The following CDIN1 variants were observed in gnomAD, a reference collection of about 807,000 sequenced individuals.
CDIN1 encodes the protein CDAN1-interacting nuclease 1.
Under a neutral mutation model 45.3 loss-of-function variants are expected in CDIN1, and 33 were observed. The observed-to-expected ratio is 0.73, with a 90% CI of 0.55 to 0.97. The LOEUF (loss-of-function observed/expected upper bound fraction) is 0.97. Among genes scored for constraint, CDIN1 ranks in the 50% least tolerant of loss-of-function variants. CDIN1 has a pLI of 0.00. For synonymous variants in CDIN1, 118 were observed against 124.4 expected (o/e 0.95, Z 0.34); for missense variants, 303 against 339.4 (o/e 0.89, Z 0.84).
chr15:36,723,038 T>C (rs1490464485), intron 10 of CDIN1, among the ~76,000 whole-genome samples: 1 of 151,980 alleles, frequency 6.6e-6, no homozygotes, highest in Non-Finnish European at 1.5e-5. Context: ...GTGTGAATTC[T>C]ATTCTCTTAA....
At chr15:36,799,027 C>A (rs2054916782) in intron 10 of CDIN1, 1 of 152,226 alleles carries the variant, frequency 6.6e-6, no homozygotes, top group South Asian at 2.1e-4. Flanking sequence ...TCTCTGGCAT[C>A]AAACACTAAA....
chr15:36,709,909 GA>G lies in CDIN1; in HGVS notation c.666del (p.Glu222AspfsTer23). 1.2e-6 allele frequency: 2 copies of G among 1,613,394 alleles called. No individual in the cohort carries two copies. Among genetic ancestry groups the G allele is most frequent in the Non-Finnish European group, 1.7e-6 (2 of 1,179,482 alleles). On this transcript the variant is annotated frameshift_variant, in exon 10 of 11. Coordinates refer to ENST00000566621, the MANE Select transcript of CDIN1 (RefSeq NM_001321759.2). LOFTEE classifies it high-confidence loss of function. ...TGAAAGCAAAGCCTCATTTGGTGATGAATGTAGCCACCACGCCTACCTGCAT... is the reference window on the plus strand; with the variant it reads ...TGAAAGCAAAGCCTCATTTGGTGATGATGTAGCCACCACGCCTACCTGCAT... ...WIESKASFGDECSHHAYLHDQ... is the reference protein window; with the variant it reads ...WIESKASFGDXCSHHAYLHDQ...
intron 1 of CDIN1, among the ~76,000 whole-genome samples, chr15:36,586,175 T>G (rs532776880): frequency 6.7e-6 from 1 of 149,116 alleles, no homozygotes; most frequent in Non-Finnish European, 1.5e-5. Context: ...GTTTGCTTGG[T>G]GTGGGTTTAC....
chr15:36,795,706 T>G (rs2054777408), intron 10 of CDIN1, among the ~76,000 whole-genome samples: 1 of 151,680 alleles, frequency 6.6e-6, no homozygotes. Flanking sequence ...TTTTTATTAT[T>G]ATTTATTATT....
Position 36,809,640 on chromosome 15 carries a change from C to T in CDIN1, c.*1187C>T, listed in dbSNP as rs2055337188. 6.6e-6 allele frequency: 1 copy of T among 151,974 alleles called. No homozygotes were observed. Among genetic ancestry groups the T allele is most frequent in the Non-Finnish European group, 1.5e-5 (1 of 68,010 alleles). 9.4% of individuals were successfully genotyped at this position (151,974 alleles called of 1,614,324 possible). A position where few individuals can be genotyped will look rare whatever the true frequency, so the allele number is the denominator to read the frequency against. On this transcript the variant is annotated 3_prime_UTR_variant, in exon 11 of 11. Transcript: ENST00000566621. ...AAACGTATTTAGTAAAATATTTGCC[C>T]CCGCCACCCTGCCATGCTGACATAA...
At chr15:36,722,303 A>ATCTCTCTC (rs5811928) in intron 10 of CDIN1, among the ~76,000 whole-genome samples, 12,957 of 140,460 alleles carry the variant, frequency 0.092, 805 homozygotes, top group Admixed American at 0.19. Flanking sequence ...TTCTTTTGAG[A>ATCTCTCTC]TCTCTCTCTC....
intron 1 of CDIN1, among the ~76,000 whole-genome samples, chr15:36,596,387 A>T (rs920312907): frequency 1.3e-5 from 2 of 152,208 alleles, no homozygotes; most frequent in Admixed American, 1.3e-4. Flanking sequence ...ATTTTAAATT[A>T]CTTTGTGTTT....
At chr15:36,709,603 A>G (rs941507061) in intron 9 of CDIN1, among the ~76,000 whole-genome samples, 4 of 152,172 alleles carry the variant, frequency 2.6e-5, no homozygotes, top group African/African-American at 9.6e-5. Flanking sequence ...GCACTTGTCG[A>G]GTTATACAGG....
chr15:36,761,757 G>A (rs1377779268), intron 10 of CDIN1, among the ~76,000 whole-genome samples: 1 of 152,092 alleles, frequency 6.6e-6, no homozygotes, highest in Non-Finnish European at 1.5e-5. Context: ...TCTTGCTCCA[G>A]GAAAAAGTCT....
intron 1 of CDIN1, among the ~76,000 whole-genome samples, chr15:36,622,502 C>A (rs1399496586): frequency 6.6e-6 from 1 of 152,174 alleles, no homozygotes; most frequent in Non-Finnish European, 1.5e-5. Context: ...TGGTTCCTGG[C>A]ATGAGCAAAT....
chr15:36,787,938 T>A (rs888553124), intron 10 of CDIN1, among the ~76,000 whole-genome samples: 1 of 150,518 alleles, frequency 6.6e-6, no homozygotes, highest in African/African-American at 2.4e-5. Context: ...ATACTTTAAA[T>A]GATGTTATTC....
intron 1 of CDIN1, among the ~76,000 whole-genome samples, chr15:36,620,242 C>T (rs1308246404): frequency 2.0e-5 from 3 of 151,852 alleles, no homozygotes; most frequent in Non-Finnish European, 4.4e-5. Context: ...GCCCAGCTAC[C>T]CGGGAGGCTG....
At chr15:36,713,267 C>T (rs188372864) in intron 10 of CDIN1, among the ~76,000 whole-genome samples, 16 of 152,252 alleles carry the variant, frequency 1.1e-4, no homozygotes, top group Admixed American at 1.0e-3. Context: ...TGACCAACAA[C>T]CACTGATCAA....
intron 10 of CDIN1, among the ~76,000 whole-genome samples, chr15:36,737,818 G>A (rs931462036): frequency 5.9e-5 from 9 of 152,108 alleles, no homozygotes; most frequent in Admixed American, 5.9e-4. Context: ...GGTGTGGGAG[G>A]TACATAGGGT....
At chr15:36,614,192 G>T in intron 1 of CDIN1, 1 of 665,644 alleles carries the variant, frequency 1.5e-6, no homozygotes, top group Non-Finnish European at 2.8e-6. Flanking sequence ...TGACCTGAAT[G>T]AGCTGTAGAA....
At chr15:36,635,035 T>C (rs570629288) in intron 1 of CDIN1, among the ~76,000 whole-genome samples, 1 of 152,324 alleles carries the variant, frequency 6.6e-6, no homozygotes, top group South Asian at 2.1e-4. Flanking sequence ...TTTATAGGGC[T>C]AGAGGACAAA....
intron 1 of CDIN1, among the ~76,000 whole-genome samples, chr15:36,636,688 T>C (rs149143707): frequency 1.6e-3 from 242 of 152,356 alleles, no homozygotes; most frequent in South Asian, 0.01. Context: ...CAGTGTCTTT[T>C]GAGATTTAAG....
chr15:36,775,389 C>T (rs905204608), intron 10 of CDIN1, among the ~76,000 whole-genome samples: 3 of 152,206 alleles, frequency 2.0e-5, no homozygotes, highest in Non-Finnish European at 4.4e-5. Context: ...ATGAGTTCCC[C>T]GGCTGTTAAC....
At chr15:36,713,730 C>A in intron 10 of CDIN1, among the ~76,000 whole-genome samples, 1 of 152,184 alleles carries the variant, frequency 6.6e-6, no homozygotes, top group Non-Finnish European at 1.5e-5. Context: ...TCCGACTAGA[C>A]ATTTTTAATT....
Sources: gnomAD v4.1 joint callset for allele counts (sites outside exome capture counted in the v4.1 genomes callset) on GRCh38, gnomAD v4.1.1 for gene constraint, MANE v1.5 for transcripts, NCBI Gene and HGNC (gene_info 2026-07-23, HGNC 2026-07-21) for gene names.